Variants in SIK3 observed in about 807,000 individuals in gnomAD.
SIK3 encodes serine/threonine-protein kinase SIK3.
Under a neutral mutation model 144.2 loss-of-function variants are expected in SIK3, and 28 were observed. That is an observed-to-expected ratio of 0.19 (90% CI 0.14 to 0.27). The LOEUF (loss-of-function observed/expected upper bound fraction) is 0.27. SIK3 is among the 10% of genes least tolerant of loss of function. The probability of loss-of-function intolerance (pLI) is 1.00; values close to 1 mark genes in which losing one functional copy is unlikely to be tolerated. For missense variants in SIK3, 1,319 were observed against 1,776.0 expected, an observed-to-expected ratio of 0.74 and a Z score of 4.62; for synonymous variants, 686 against 676.3, an observed-to-expected ratio of 1.01 and a Z score of -0.22.
At chr11:117,026,199 T>C (rs549744884) in intron 1 of SIK3, among the ~76,000 whole-genome samples, 1 of 152,266 alleles carries the variant, frequency 6.6e-6, no homozygotes, top group African/African-American at 2.4e-5. Flanking sequence ...TACTTAACCG[T>C]TGGGTCACAA....
At chr11:117,051,853 A>G (rs919733538) in intron 1 of SIK3, among the ~76,000 whole-genome samples, 1 of 151,830 alleles carries the variant, frequency 6.6e-6, no homozygotes, top group African/African-American at 2.4e-5. Flanking sequence ...ACAGAAATCC[A>G]TCTATCCAGG....
chr11:116,924,828 C>T (rs546699129), intron 4 of SIK3, among the ~76,000 whole-genome samples: 1 of 152,114 alleles, frequency 6.6e-6, no homozygotes, highest in Non-Finnish European at 1.5e-5. Context: ...GTCCAGAGGG[C>T]CTTCTTTTAA....
intron 4 of SIK3, among the ~76,000 whole-genome samples, chr11:116,923,214 C>T (rs776210528): frequency 1.3e-5 from 2 of 152,138 alleles, no homozygotes; most frequent in Non-Finnish European, 2.9e-5. Flanking sequence ...CTGCGCCCAG[C>T]CAAGACTAAC....
intron 6 of SIK3, among the ~76,000 whole-genome samples, chr11:116,879,632 CTT>C (rs889626776): frequency 6.6e-5 from 10 of 152,298 alleles, no homozygotes; most frequent in African/African-American, 2.4e-4. Flanking sequence ...ATAAATTACT[CTT>C]ATTTTAATTT....
chr11:116,876,809 A>G (rs113666867), intron 7 of SIK3, 115 bp downstream of exon 7: 7 of 800,638 alleles, frequency 8.7e-6, no homozygotes, highest in African/African-American at 1.7e-5. Flanking sequence ...TTAGTGTTAC[A>G]TAATAGTTTG....
rs574061311 is a variant in SIK3 at position 117,072,624 on chromosome 11, A to G, written c.273+25519T>C. ...AGATTTTGTCCCTAATATTTTTACTATCTGAAAATGTGAATGGGTTATCAC... is the reference window on the plus strand; with the variant it reads ...AGATTTTGTCCCTAATATTTTTACTGTCTGAAAATGTGAATGGGTTATCAC... On this transcript the variant is annotated intron_variant, in intron 1 of 24. Transcript: ENST00000445177. Among the ~76,000 whole-genome samples, 7 of 152,308 alleles carry G rather than the reference A, an allele frequency of 4.6e-5. No individual in the cohort carries two copies. The East Asian group carries it at 1.2e-3, about 25-fold the overall frequency.
intron 1 of SIK3, among the ~76,000 whole-genome samples, chr11:117,060,203 G>A (rs2135951514): frequency 6.6e-6 from 1 of 152,248 alleles, no homozygotes; most frequent in African/African-American, 2.4e-5. Context: ...AAACTTGGAG[G>A]AAACCTAAAT....
chr11:117,078,387 G>A (rs1954642402), intron 1 of SIK3, among the ~76,000 whole-genome samples: 1 of 151,668 alleles, frequency 6.6e-6, no homozygotes, highest in Non-Finnish European at 1.5e-5. Flanking sequence ...GAGGATCAAG[G>A]TGGCTAAACT....
At chr11:117,075,695 C>T (rs1275497549) in intron 1 of SIK3, among the ~76,000 whole-genome samples, 1 of 151,408 alleles carries the variant, frequency 6.6e-6, no homozygotes, top group African/African-American at 2.4e-5. Context: ...GTGCCCGCCA[C>T]CACACCTGGC....
chr11:116,912,626 A>G (rs1946409267), intron 4 of SIK3, among the ~76,000 whole-genome samples: 1 of 152,164 alleles, frequency 6.6e-6, no homozygotes, highest in South Asian at 2.1e-4. Context: ...CTGTATAAGT[A>G]AACAGCTTGG....
chr11:116,952,468 T>A (rs1948978442), intron 3 of SIK3, among the ~76,000 whole-genome samples: 1 of 152,246 alleles, frequency 6.6e-6, no homozygotes, highest in Non-Finnish European at 1.5e-5. Context: ...TGATCTTAAT[T>A]AAGGCAGGTT....
chr11:117,086,898 G>A (rs1025489096), intron 1 of SIK3, among the ~76,000 whole-genome samples: 6 of 151,660 alleles, frequency 4.0e-5, no homozygotes, highest in Middle Eastern at 3.4e-3. Flanking sequence ...AGGAGGCTGA[G>A]GCAGGGGAAT....
chr11:117,086,481 G>C (rs1466921414), intron 1 of SIK3, among the ~76,000 whole-genome samples: 1 of 152,114 alleles, frequency 6.6e-6, no homozygotes, highest in Non-Finnish European at 1.5e-5. Context: ...CACGAGGTAG[G>C]AGTTCAAGAC....
At chr11:116,889,459 T>C (rs1944990274) in intron 6 of SIK3, among the ~76,000 whole-genome samples, 1 of 152,048 alleles carries the variant, frequency 6.6e-6, no homozygotes, top group Non-Finnish European at 1.5e-5. Flanking sequence ...CCTAGCTACT[T>C]TGGAGCCTGA....
At chr11:116,944,830 T>C (rs1591390383) in intron 3 of SIK3, among the ~76,000 whole-genome samples, 1 of 152,350 alleles carries the variant, frequency 6.6e-6, no homozygotes. Flanking sequence ...TCTTGGAGAC[T>C]ATGCTCTCTT....
chr11:116,891,369 T>C (rs937474915), intron 6 of SIK3, among the ~76,000 whole-genome samples: 11 of 152,218 alleles, frequency 7.2e-5, no homozygotes, highest in Admixed American at 4.6e-4. Context: ...TAGTCTCAGC[T>C]ACTTGGGAGA....
chr11:117,049,939 G>A (rs895387160), intron 1 of SIK3, among the ~76,000 whole-genome samples: 3 of 143,392 alleles, frequency 2.1e-5, no homozygotes, highest in South Asian at 4.5e-4. Flanking sequence ...CAGCCTGGGC[G>A]TCTGAGCGAA....
At chr11:116,965,884 G>A (rs1455052853) in intron 1 of SIK3, among the ~76,000 whole-genome samples, 4 of 149,086 alleles carry the variant, frequency 2.7e-5, no homozygotes, top group Non-Finnish European at 4.4e-5. Flanking sequence ...GCAGTGAGCC[G>A]AGATGACACC....
At position 116,844,648 on chromosome 11, in the gene SIK3, TATATATATA is replaced by T. The variant is rs1362776733; in HGVS notation, c.*986_*994del. ...ATATATAATATATTATATTATATAT[TATATATATA>T]ATATATATATACACATATATTATAT... On this transcript the variant is annotated 3_prime_UTR_variant, in exon 25 of 25. Coordinates refer to ENST00000445177, the MANE Select transcript of SIK3 (RefSeq NM_001366686.3). The T allele has an allele frequency of 1.5e-4, 15 of 99,956 alleles. No individual in the cohort carries two copies. Among genetic ancestry groups the T allele is most frequent in the Non-Finnish European group, 2.8e-4 (15 of 54,182 alleles). The allele number at this position is 99,956 out of a possible 1,614,324, so 6.2% of individuals were successfully genotyped here. A position where few individuals can be genotyped will look rare whatever the true frequency, so the allele number is the denominator to read the frequency against.
Sources: gnomAD v4.1 joint callset for allele counts (sites outside exome capture counted in the v4.1 genomes callset) on GRCh38, gnomAD v4.1.1 for gene constraint, MANE v1.5 for transcripts, NCBI Gene and HGNC (gene_info 2026-07-23, HGNC 2026-07-21) for gene names.